CERS6: variants seen among roughly 807,000 people sequenced by gnomAD.
CERS6 encodes LAG1 homolog, ceramide synthase 6.
In CERS6, 26 loss-of-function variants were observed where a neutral mutation model predicts 56.8. That is an observed-to-expected ratio of 0.46 (90% CI 0.34 to 0.63). The LOEUF (loss-of-function observed/expected upper bound fraction) is 0.63, where lower values mean the gene tolerates loss of function less well. CERS6 is among the 30% of genes least tolerant of loss of function. The pLI, the probability that CERS6 is intolerant of heterozygous loss-of-function variation, is 0.01. For synonymous variants in CERS6, 164 were observed against 173.3 expected (o/e 0.95, Z 0.42); for missense variants, 415 against 467.5 (o/e 0.89, Z 1.04).
chr2:168,500,495 T>C (rs7581150), intron 1 of CERS6, among the ~76,000 whole-genome samples: 9,917 of 152,268 alleles, frequency 0.065, 554 homozygotes, highest in East Asian at 0.18. Context: ...CCTGTGGACA[T>C]ATCCAACAAT....
chr2:168,541,936 G>A (rs1409405333), intron 1 of CERS6, among the ~76,000 whole-genome samples: 1 of 152,166 alleles, frequency 6.6e-6, no homozygotes, highest in East Asian at 1.9e-4. Flanking sequence ...CTAGAAAGAG[G>A]ATGTGTTTTT....
chr2:168,477,622 T>A (rs1166128759), intron 1 of CERS6, among the ~76,000 whole-genome samples: 1 of 152,252 alleles, frequency 6.6e-6, no homozygotes, highest in African/African-American at 2.4e-5. Flanking sequence ...GCAACTTTTG[T>A]ACGTCTTTCT....
rs1574234495 is a variant in CERS6 at position 168,770,793 on chromosome 2, C to T, written c.*1131C>T. 2 of 152,444 alleles carry T rather than the reference C, an allele frequency of 1.3e-5. No homozygotes were observed. The highest frequency in any genetic ancestry group is 2.1e-4 in the South Asian group (1 of 4,822). The allele number at this position is 152,444 out of a possible 1,614,324, so 9.4% of individuals were successfully genotyped here. ...TTTACCCTTTGCTTTTCTCCTTAAACGTAATCCAGATGACTTTCCTGTTAC... is the reference window on the plus strand; with the variant it reads ...TTTACCCTTTGCTTTTCTCCTTAAATGTAATCCAGATGACTTTCCTGTTAC... On this transcript the variant is annotated 3_prime_UTR_variant, in exon 10 of 10. Transcript: ENST00000305747.
intron 1 of CERS6, among the ~76,000 whole-genome samples, chr2:168,517,521 A>G (rs907658956): frequency 6.7e-6 from 1 of 150,370 alleles, no homozygotes; most frequent in Non-Finnish European, 1.5e-5. Flanking sequence ...AAATAAATAA[A>G]TAATAAAATA....
At chr2:168,601,140 G>A (rs1683923561) in intron 3 of CERS6, among the ~76,000 whole-genome samples, 1 of 152,126 alleles carries the variant, frequency 6.6e-6, no homozygotes, top group South Asian at 2.1e-4. Flanking sequence ...GGATAGATGT[G>A]CACCATTTCA....
At chr2:168,615,339 C>T (rs1014797611) in intron 3 of CERS6, among the ~76,000 whole-genome samples, 1 of 152,022 alleles carries the variant, frequency 6.6e-6, no homozygotes, top group African/African-American at 2.4e-5. Context: ...CACACCAGCT[C>T]ACCAGCAATG....
intron 1 of CERS6, among the ~76,000 whole-genome samples, chr2:168,499,806 C>T (rs1694546810): frequency 6.6e-6 from 1 of 152,156 alleles, no homozygotes; most frequent in Non-Finnish European, 1.5e-5. Flanking sequence ...TCTCTATTTG[C>T]ATAAACCCCG....
chr2:168,616,709 C>G (rs1684327123), intron 3 of CERS6, among the ~76,000 whole-genome samples: 1 of 152,126 alleles, frequency 6.6e-6, no homozygotes, highest in Admixed American at 6.5e-5. Flanking sequence ...ATTTATGCAC[C>G]TTACACTGGA....
At chr2:168,541,177 G>A (rs1386053963) in intron 1 of CERS6, among the ~76,000 whole-genome samples, 1 of 152,086 alleles carries the variant, frequency 6.6e-6, no homozygotes, top group African/African-American at 2.4e-5. Flanking sequence ...CCACCCCTGA[G>A]GGACAGCGTC....
At chr2:168,657,213 A>G (rs941645513) in intron 4 of CERS6, among the ~76,000 whole-genome samples, 4 of 152,118 alleles carry the variant, frequency 2.6e-5, no homozygotes, top group African/African-American at 9.7e-5. Flanking sequence ...CTAGATATAA[A>G]GACTCTCCAT....
At chr2:168,645,162 G>C (rs1268567270) in intron 4 of CERS6, among the ~76,000 whole-genome samples, 7 of 117,834 alleles carry the variant, frequency 5.9e-5, no homozygotes, top group African/African-American at 2.3e-4. Context: ...GAGAGAGAGA[G>C]AGAGAGAGAG....
intron 3 of CERS6, among the ~76,000 whole-genome samples, chr2:168,580,130 G>T (rs1683372944): frequency 6.6e-6 from 1 of 152,196 alleles, no homozygotes; most frequent in Non-Finnish European, 1.5e-5. Flanking sequence ...GTGCTTAGAT[G>T]TGTTTCTTAT....
chr2:168,564,692 C>T (rs1161934844), intron 3 of CERS6, among the ~76,000 whole-genome samples: 2 of 152,172 alleles, frequency 1.3e-5, no homozygotes, highest in African/African-American at 2.4e-5. Flanking sequence ...CTTCCTCTGC[C>T]TTACCCATTT....
chr2:168,701,036 C>A (rs80156434), intron 6 of CERS6, among the ~76,000 whole-genome samples: 142 of 152,206 alleles, frequency 9.3e-4, no homozygotes, highest in African/African-American at 3.4e-3. Flanking sequence ...TTATAGTTGC[C>A]GGCATGGACT....
chr2:168,628,946 C>T (rs1684650075), intron 3 of CERS6, among the ~76,000 whole-genome samples: 1 of 152,098 alleles, frequency 6.6e-6, no homozygotes, highest in African/African-American at 2.4e-5. Context: ...TTGGGAGGGA[C>T]TATATCAGGG....
chr2:168,718,689 C>G lies in CERS6; in HGVS notation c.845+711C>G, dbSNP rs554800610. 3.9e-5 allele frequency among the ~76,000 whole-genome samples: 6 copies of G among 152,302 alleles called. No individual in the cohort carries two copies. In the East Asian group the frequency reaches 1.2e-3, roughly 29 times the overall value. On this transcript the variant is annotated intron_variant, in intron 8 of 9. Coordinates refer to ENST00000305747, the MANE Select transcript of CERS6 (RefSeq NM_203463.3). ...GACCAAGAGGGATTCCTGCTCCACC[C>G]CTGAAGAATTTCTTTAGGTTGACCT...
At chr2:168,734,379 C>T (rs1387488052) in intron 8 of CERS6, among the ~76,000 whole-genome samples, 3 of 152,212 alleles carry the variant, frequency 2.0e-5, no homozygotes, top group Non-Finnish European at 2.9e-5. Context: ...CTGTGCCCAT[C>T]ACAGCTGAGT....
intron 8 of CERS6, among the ~76,000 whole-genome samples, chr2:168,727,628 A>G (rs1483968876): frequency 6.6e-6 from 1 of 151,938 alleles, no homozygotes; most frequent in African/African-American, 2.4e-5. Context: ...ATTCATCTAG[A>G]CATGTAGGAG....
intron 6 of CERS6, among the ~76,000 whole-genome samples, chr2:168,709,201 G>C (rs1296130636): frequency 6.6e-6 from 1 of 152,124 alleles, no homozygotes; most frequent in African/African-American, 2.4e-5. Flanking sequence ...AGCCCAGGTA[G>C]CTGGAATTTT....
Sources: gnomAD v4.1 joint callset for allele counts (sites outside exome capture counted in the v4.1 genomes callset) on GRCh38, gnomAD v4.1.1 for gene constraint, MANE v1.5 for transcripts, NCBI Gene and HGNC (gene_info 2026-07-23, HGNC 2026-07-21) for gene names.